The following ADAP1 variants were observed in gnomAD, a reference collection of about 807,000 sequenced individuals.
ADAP1 encodes the protein arf-GAP with dual PH domain-containing protein 1.
In ADAP1, 31 loss-of-function variants were observed where a neutral mutation model predicts 54.9. The observed-to-expected ratio is 0.56, with a 90% CI of 0.42 to 0.76. The LOEUF (loss-of-function observed/expected upper bound fraction) is 0.76, where lower values mean the gene tolerates loss of function less well. Ranked by LOEUF, ADAP1 falls within the 30% of genes least tolerant of loss-of-function variation. The pLI is 0.00. For synonymous variants in ADAP1, 313 were observed against 202.6 expected (o/e 1.55, Z -4.63); for missense variants, 535 against 512.4 (o/e 1.04, Z -0.42).
intron 4 of ADAP1, among the ~76,000 whole-genome samples, chr7:914,948 C>T (rs764425195): frequency 6.6e-6 from 1 of 151,812 alleles, no homozygotes; most frequent in Non-Finnish European, 1.5e-5. Flanking sequence ...TCAGTGGGCC[C>T]TGAGCACAGG....
At position 945,023 on chromosome 7, in the gene ADAP1, G is replaced by A. The variant is rs1243052700; in HGVS notation, c.82+9373C>T. On this transcript the variant is annotated intron_variant, in intron 1 of 10. Transcript: ENST00000265846. This position sits in a 1 kb window ranked among gnomAD's most constrained non-coding sequence, Gnocchi z 4.2. ...GGTGGCCTTCTGATTTGAGTATGCT[G>A]AAGCTCTGCAGGGTGGGCTCACGTG... Among the ~76,000 whole-genome samples, 1 of 152,170 alleles carries A rather than the reference G, an allele frequency of 6.6e-6. No individual in the cohort carries two copies. The highest frequency in any genetic ancestry group is 2.4e-5 in the African/African-American group (1 of 41,444).
chr7:915,110 T>A (rs943060137), intron 4 of ADAP1, among the ~76,000 whole-genome samples: 1 of 151,648 alleles, frequency 6.6e-6, no homozygotes, highest in Non-Finnish European at 1.5e-5. Flanking sequence ...AGCCACACAC[T>A]CTGGAGCAGC....
At chr7:927,559 T>G (rs2128107040) in intron 2 of ADAP1, 1 of 465,108 alleles carries the variant, frequency 2.2e-6, no homozygotes, top group African/African-American at 2.0e-5. Flanking sequence ...GCTCCGAGGA[T>G]CACATGGCAG....
At chr7:935,882 G>C (rs1583179126) in intron 1 of ADAP1, among the ~76,000 whole-genome samples, 1 of 152,214 alleles carries the variant, frequency 6.6e-6, no homozygotes, top group African/African-American at 2.4e-5. Flanking sequence ...GCTGCCCTGG[G>C]AGAAGTCTGT....
intron 4 of ADAP1, among the ~76,000 whole-genome samples, chr7:909,947 G>C (rs528349714): frequency 6.6e-6 from 1 of 152,310 alleles, no homozygotes; most frequent in East Asian, 1.9e-4. Context: ...GCTGGGTCCA[G>C]TCCACACCCC....
intron 1 of ADAP1, among the ~76,000 whole-genome samples, chr7:949,664 G>A (rs1367859925): frequency 6.6e-6 from 1 of 152,204 alleles, no homozygotes; most frequent in Non-Finnish European, 1.5e-5. Flanking sequence ...ATTTGGAGAG[G>A]GGGCCCAGTC....
intron 1 of ADAP1, 39 bp downstream of exon 1, chr7:954,357 G>T (rs1254702844): frequency 7.2e-6 from 2 of 276,534 alleles, no homozygotes; most frequent in African/African-American, 5.0e-5. Context: ...CGCCCACCCC[G>T]GACCCACCCG....
Position 926,842 on chromosome 7 carries a change from G to A in ADAP1, c.214-198C>T. On this transcript the variant is annotated intron_variant, in intron 2 of 10. Coordinates refer to ENST00000265846, the MANE Select transcript of ADAP1 (RefSeq NM_006869.4). The surrounding 1 kb of genome is among the most constrained non-coding windows in gnomAD (Gnocchi z 4.6). ...AGTGATCGACCCTCCCCTGGGACAG[G>A]GAAGGAGCCAGCGTCCCTAACGACG... is the stretch of plus-strand genomic sequence containing the variant. 3 of 781,020 alleles carry A rather than the reference G, an allele frequency of 3.8e-6. No homozygotes were observed. The highest frequency in any genetic ancestry group is 5.8e-6 in the Non-Finnish European group (3 of 518,980). 48.4% of individuals were successfully genotyped at this position (781,020 alleles called of 1,614,324 possible).
At chr7:909,513 G>A (rs1845633049) in intron 4 of ADAP1, among the ~76,000 whole-genome samples, 1 of 152,244 alleles carries the variant, frequency 6.6e-6, no homozygotes, top group Non-Finnish European at 1.5e-5. Flanking sequence ...GCTGGCCACG[G>A]TCCCGGACGC....
chr7:932,252 TG>T (rs1846607116), intron 2 of ADAP1, among the ~76,000 whole-genome samples: 1 of 152,112 alleles, frequency 6.6e-6, no homozygotes, highest in African/African-American at 2.4e-5. Flanking sequence ...ATACCCACGG[TG>T]GGCCCTCCCC....
intron 3 of ADAP1, chr7:922,856 C>G (rs1004185655): frequency 2.0e-5 from 3 of 147,450 alleles, no homozygotes; most frequent in Non-Finnish European, 4.5e-5. Context: ...CCCCCACCCC[C>G]GCCACCCCCG....
chr7:898,753 C>T lies in ADAP1; in HGVS notation c.*168G>A, dbSNP rs1844627914. The T allele has an allele frequency of 2.3e-6, 2 of 859,386 alleles. No homozygotes were observed. The highest frequency in any genetic ancestry group is 1.7e-5 in the African/African-American group (1 of 59,302). The allele number at this position is 859,386 out of a possible 1,614,324, so 53.2% of individuals were successfully genotyped here. On this transcript the variant is annotated 3_prime_UTR_variant, in exon 11 of 11. Coordinates refer to ENST00000265846, the MANE Select transcript of ADAP1 (RefSeq NM_006869.4). Reference sequence around the variant, plus strand: ...GCCTGGGCTGCCTGCCTTGAGGTTCCAGAGAAGCATCCTGGAAGCTGAAGC... The same window carrying T: ...GCCTGGGCTGCCTGCCTTGAGGTTCTAGAGAAGCATCCTGGAAGCTGAAGC...
At chr7:904,355 T>TG (rs1441695357) in intron 5 of ADAP1, 83 bp from the exon 6 acceptor site, 1 of 1,492,816 alleles carries the variant, frequency 6.7e-7, no homozygotes, top group Non-Finnish European at 9.0e-7. Flanking sequence ...CTGTGGGTGC[T>TG]GGCGGCGCAC....
intron 4 of ADAP1, among the ~76,000 whole-genome samples, chr7:909,515 C>T: frequency 6.6e-6 from 1 of 152,172 alleles, no homozygotes; most frequent in African/African-American, 2.4e-5. Flanking sequence ...TGGCCACGGT[C>T]CCGGACGCGC....
chr7:906,885 C>G (rs979766622), intron 4 of ADAP1, among the ~76,000 whole-genome samples: 3 of 138,114 alleles, frequency 2.2e-5, no homozygotes, highest in Non-Finnish European at 3.2e-5. Flanking sequence ...GGCTGCAACC[C>G]TGGCCCAAGC....
At chr7:911,624 AGGGGGC>A in intron 4 of ADAP1, among the ~76,000 whole-genome samples, 1 of 60,872 alleles carries the variant, frequency 1.6e-5, no homozygotes, top group Non-Finnish European at 3.4e-5. Flanking sequence ...AGGGCCAGGA[AGGGGGC>A]GGGGGTCCCA....
intron 1 of ADAP1, 62 bp downstream of exon 1, chr7:954,333 CG>C: frequency 3.0e-6 from 3 of 1,005,306 alleles, no homozygotes; most frequent in Non-Finnish European, 3.6e-6. Flanking sequence ...ACCCAGGACC[CG>C]CCCGGCACCC....
intron 2 of ADAP1, among the ~76,000 whole-genome samples, chr7:930,400 G>A (rs373605603): frequency 1.0e-4 from 3 of 29,632 alleles, no homozygotes; most frequent in South Asian, 1.8e-3. Context: ...ACACAGGGCC[G>A]GGCGCGGTGG....
At chr7:925,078 T>C (rs1846336318) in intron 3 of ADAP1, among the ~76,000 whole-genome samples, 1 of 151,800 alleles carries the variant, frequency 6.6e-6, no homozygotes, top group Non-Finnish European at 1.5e-5. Flanking sequence ...GATGTGGGGA[T>C]TGCAGCTGGA....
Sources: gnomAD v4.1 joint callset for allele counts (sites outside exome capture counted in the v4.1 genomes callset) on GRCh38, gnomAD v4.1.1 for gene constraint, Gnocchi (gnomAD v3.1) non-coding constraint, MANE v1.5 for transcripts, NCBI Gene and HGNC (gene_info 2026-07-23, HGNC 2026-07-21) for gene names.